The following ZNF804A variants were observed in gnomAD, a reference collection of about 807,000 sequenced individuals.
The protein encoded by ZNF804A is zinc finger protein 804A.
A neutral mutation model predicts 16.5 loss-of-function variants in ZNF804A; 2 were observed. The ratio of observed to expected loss-of-function variants is 0.12; its 90% CI spans 0.05 to 0.38. ZNF804A has a LOEUF of 0.38. Ranked by LOEUF, ZNF804A falls within the 10% of genes least tolerant of loss-of-function variation. ZNF804A has a pLI of 0.99. For missense variants in ZNF804A, 1,473 were observed against 1,390.7 expected (o/e 1.06, Z -0.94); for synonymous variants, 534 against 489.6 (o/e 1.09, Z -1.20).
At chr2:184,690,578 C>A (rs1283531855) in intron 1 of ZNF804A, among the ~76,000 whole-genome samples, 1 of 151,968 alleles carries the variant, frequency 6.6e-6, no homozygotes, top group East Asian at 1.9e-4. Context: ...GGTAACTTTA[C>A]AAAATATTAC....
At chr2:184,813,211 G>A (rs1477066631) in intron 1 of ZNF804A, among the ~76,000 whole-genome samples, 1 of 151,836 alleles carries the variant, frequency 6.6e-6, no homozygotes, top group Non-Finnish European at 1.5e-5. Context: ...TGGATTATAA[G>A]GTAACTTAGT....
chr2:184,914,008 T>C (rs1306018584), intron 2 of ZNF804A, among the ~76,000 whole-genome samples: 2 of 152,156 alleles, frequency 1.3e-5, no homozygotes, highest in African/African-American at 4.8e-5. Context: ...TCTGTATCTG[T>C]GGATGCCTGT....
intron 1 of ZNF804A, among the ~76,000 whole-genome samples, chr2:184,770,921 G>A (rs1383579705): frequency 6.6e-6 from 1 of 152,008 alleles, no homozygotes; most frequent in Non-Finnish European, 1.5e-5. Flanking sequence ...TGAAATATGT[G>A]TGTGTTTGTG....
At chr2:184,882,098 T>C (rs1684817185) in intron 2 of ZNF804A, among the ~76,000 whole-genome samples, 1 of 151,712 alleles carries the variant, frequency 6.6e-6, no homozygotes, top group Admixed American at 6.6e-5. Context: ...TGGAGAAAAA[T>C]GTACCAAGCA....
At chr2:184,765,562 C>T (rs1044312085) in intron 1 of ZNF804A, among the ~76,000 whole-genome samples, 5 of 149,258 alleles carry the variant, frequency 3.3e-5, no homozygotes, top group South Asian at 4.3e-4. Flanking sequence ...CCCCCAGTCA[C>T]GTAACCCCTG....
intron 1 of ZNF804A, among the ~76,000 whole-genome samples, chr2:184,790,894 C>A (rs1040742848): frequency 6.6e-6 from 1 of 152,154 alleles, no homozygotes; most frequent in African/African-American, 2.4e-5. Flanking sequence ...TGAGCCACTG[C>A]GCCCCGCCTC....
chr2:184,850,538 T>C (rs887026220), intron 1 of ZNF804A, among the ~76,000 whole-genome samples: 1 of 151,804 alleles, frequency 6.6e-6, no homozygotes, highest in African/African-American at 2.4e-5. Context: ...CTCTCTCCCT[T>C]GATGAATCTT....
At chr2:184,679,786 G>A (rs952986867) in intron 1 of ZNF804A, among the ~76,000 whole-genome samples, 1 of 152,172 alleles carries the variant, frequency 6.6e-6, no homozygotes, top group Non-Finnish European at 1.5e-5. Flanking sequence ...GGCTTGTCAT[G>A]GGCTGGGAGG....
chr2:184,662,095 C>T (rs188997820), intron 1 of ZNF804A, among the ~76,000 whole-genome samples: 1 of 152,240 alleles, frequency 6.6e-6, no homozygotes, highest in East Asian at 1.9e-4. Flanking sequence ...TTAATGACTA[C>T]GTTTGCTCTT....
intron 1 of ZNF804A, among the ~76,000 whole-genome samples, chr2:184,680,023 A>G (rs78105500): frequency 0.017 from 2,528 of 152,270 alleles, 86 homozygotes; most frequent in African/African-American, 0.056. Context: ...ATCAGCACAC[A>G]CTTTTTCACC....
chr2:184,718,807 T>C (rs866364491), intron 1 of ZNF804A, among the ~76,000 whole-genome samples: 1 of 152,160 alleles, frequency 6.6e-6, no homozygotes, highest in Middle Eastern at 3.4e-3. Flanking sequence ...TGGCATTGAG[T>C]GTCTGTGGCT....
rs1207952431 is a variant in ZNF804A at position 184,839,627 on chromosome 2, T to C, written c.112-26742T>C. On this transcript the variant is annotated intron_variant, in intron 1 of 3. Transcript: ENST00000302277. The stretch of plus-strand genomic sequence containing the variant: ...GGCAGTACAAAAGAAAAAAATGTAG[T>C]GTCCAGAATTGAACTTACACTTTAA... 4.6e-5 allele frequency among the ~76,000 whole-genome samples: 7 copies of C among 152,240 alleles called. No individual in the cohort carries two copies. In the East Asian group the frequency reaches 9.6e-4, roughly 21 times the overall value.
intron 1 of ZNF804A, among the ~76,000 whole-genome samples, chr2:184,852,291 T>G (rs1695617963): frequency 6.7e-6 from 1 of 150,370 alleles, no homozygotes; most frequent in Admixed American, 6.7e-5. Flanking sequence ...TTGTACTGCA[T>G]TCACCTATTT....
intron 1 of ZNF804A, among the ~76,000 whole-genome samples, chr2:184,812,545 T>G (rs1694918791): frequency 6.6e-6 from 1 of 152,134 alleles, no homozygotes; most frequent in Non-Finnish European, 1.5e-5. Context: ...GGAGTAAGGA[T>G]CCTTTTTTAT....
At chr2:184,702,890 G>A (rs1266017009) in intron 1 of ZNF804A, among the ~76,000 whole-genome samples, 3 of 152,106 alleles carry the variant, frequency 2.0e-5, no homozygotes, top group Non-Finnish European at 2.9e-5. Flanking sequence ...AGTAATGGCA[G>A]TTTTGTTCCT....
intron 1 of ZNF804A, among the ~76,000 whole-genome samples, chr2:184,808,170 A>G (rs1039165159): frequency 2.0e-5 from 3 of 151,620 alleles, no homozygotes; most frequent in African/African-American, 7.2e-5. Flanking sequence ...AGAAAGATTA[A>G]TAATATGACT....
chr2:184,654,700 T>C (rs915696795), intron 1 of ZNF804A, among the ~76,000 whole-genome samples: 2 of 152,144 alleles, frequency 1.3e-5, no homozygotes, highest in Non-Finnish European at 1.5e-5. Context: ...ATGAAAAACA[T>C]TTGAGAAGAT....
In ZNF804A at chr2:184,870,845, C is replaced by T. The variant is rs183444366; in HGVS notation, c.255+4333C>T. On this transcript the variant is annotated intron_variant, in intron 2 of 3. Transcript: ENST00000302277. ...ACTGTTACAAGATGAATGAGTTATT[C>T]GAACATTCATAAATGTCCATCCTTC... Among the ~76,000 whole-genome samples, 27 of 151,730 alleles carry T rather than the reference C, an allele frequency of 1.8e-4. No homozygotes were observed. The South Asian group carries it at 2.7e-3, about 15-fold the overall frequency.
At chr2:184,811,863 T>C (rs1489128491) in intron 1 of ZNF804A, among the ~76,000 whole-genome samples, 1 of 152,104 alleles carries the variant, frequency 6.6e-6, no homozygotes, top group Admixed American at 6.6e-5. Context: ...ATTTTAGGAG[T>C]TTTCTTCCTA....
Sources: gnomAD v4.1 joint callset for allele counts (sites outside exome capture counted in the v4.1 genomes callset) on GRCh38, gnomAD v4.1.1 for gene constraint, MANE v1.5 for transcripts, NCBI Gene and HGNC (gene_info 2026-07-23, HGNC 2026-07-21) for gene names.